Variants in ACOX3 observed in about 807,000 individuals in gnomAD.
ACOX3 encodes the protein peroxisomal acyl-coenzyme A oxidase 3.
ACOX3 carries 73 observed loss-of-function variants against 81.5 expected under a neutral mutation model. That is an observed-to-expected ratio of 0.90 (90% CI 0.74 to 1.09). The LOEUF is 1.09. Among genes scored for constraint, ACOX3 ranks in the 50% least tolerant of loss-of-function variants. The pLI is 0.00. For missense variants in ACOX3, 947 were observed against 928.0 expected, an observed-to-expected ratio of 1.02 and a Z score of -0.27; for synonymous variants, 387 against 375.1, an observed-to-expected ratio of 1.03 and a Z score of -0.37.
At chr4:8,412,164 A>G (rs1721797243) in intron 5 of ACOX3, among the ~76,000 whole-genome samples, 1 of 152,268 alleles carries the variant, frequency 6.6e-6, no homozygotes, top group South Asian at 2.1e-4. Flanking sequence ...ACCTGGGTTC[A>G]GATAAAGATA....
downstream of ACOX3, among the ~76,000 whole-genome samples, chr4:8,362,772 T>C (rs914455957): frequency 2.0e-5 from 3 of 152,222 alleles, no homozygotes; most frequent in Non-Finnish European, 2.9e-5. Flanking sequence ...ACTCAACTCA[T>C]AGGTATTTGA....
rs1717855355 is a variant in ACOX3 at position 8,382,888 on chromosome 4, A to G, written c.1538-1281T>C. 6.8e-6 allele frequency among the ~76,000 whole-genome samples: 1 copy of G among 148,010 alleles called. No individual in the cohort carries two copies. The stretch of plus-strand genomic sequence containing the variant: ...GCGCCTGTAGTCCCAGCTACTCGGG[A>G]GGCTGAGGCAGGAGAATGGCGTGAA... On this transcript the variant is annotated intron_variant, in intron 13 of 17. Coordinates refer to ENST00000356406, the MANE Select transcript of ACOX3 (RefSeq NM_003501.3). The surrounding 1 kb of genome is among the most constrained non-coding windows in gnomAD (Gnocchi z 4.1).
At chr4:8,361,425 C>CCAAAAAAAAAA (rs1560158854), downstream of ACOX3, among the ~76,000 whole-genome samples, 1 of 39,034 alleles carries the variant, frequency 2.6e-5, no homozygotes, top group African/African-American at 1.2e-4. Flanking sequence ...GACTCTATCT[C>CCAAAAAAAAAA]AAAAAAAAAA....
At chr4:8,376,967 G>A (rs1007297958) in intron 14 of ACOX3, among the ~76,000 whole-genome samples, 4 of 152,084 alleles carry the variant, frequency 2.6e-5, no homozygotes, top group African/African-American at 7.2e-5. Flanking sequence ...CAGGCCTGTG[G>A]GGGAGCTGCC....
At position 8,416,429 on chromosome 4, in the gene ACOX3, G is replaced by A. The variant is rs142520686; in HGVS notation, c.93C>T (p.Ser31=). The A allele has an allele frequency of 1.2e-5, 20 of 1,614,114 alleles. No individual in the cohort carries two copies. The African/African-American group carries it at 2.3e-4, about 18-fold the overall frequency. Reference sequence around the variant, plus strand: ...CCGTGAACAGCGCCAGCTCCTTCCAGCTGAAGGACGCTCTTGCTCGGTAGG... The same window carrying A: ...CCGTGAACAGCGCCAGCTCCTTCCAACTGAAGGACGCTCTTGCTCGGTAGG... ...LDAYRARASF[S]WKELALFTEG... Residue 31 remains serine, a synonymous_variant, in exon 2 of 18, where the codon AGC becomes AGT. Transcript: ENST00000356406. This position sits in a 1 kb window ranked among gnomAD's most constrained non-coding sequence, Gnocchi z 4.2.
intron 5 of ACOX3, among the ~76,000 whole-genome samples, chr4:8,411,699 C>T (rs984776725): frequency 4.6e-5 from 7 of 152,236 alleles, no homozygotes; most frequent in African/African-American, 1.2e-4. Context: ...CCCTGCGCCC[C>T]GGCATACCAG....
At chr4:8,360,412 A>G in the ACOX3 span, among the ~76,000 whole-genome samples, 189 of 152,258 alleles carry the variant, frequency 1.2e-3, no homozygotes, top group African/African-American at 4.0e-3. Flanking sequence ...TTTGGTCTAA[A>G]TTATGCAGGT....
intron 1 of ACOX3, among the ~76,000 whole-genome samples, chr4:8,428,682 G>A (rs1723756997): frequency 6.6e-6 from 1 of 152,250 alleles, no homozygotes; most frequent in Admixed American, 6.5e-5. Context: ...CCCTCTCGGA[G>A]CGCCGTAGTT....
Position 8,370,681 on chromosome 4 carries a change from G to A in ACOX3, c.1983+227C>T, listed in dbSNP as rs1716074467. Among the ~76,000 whole-genome samples, 3 of 152,110 alleles carry A rather than the reference G, an allele frequency of 2.0e-5. No individual in the cohort carries two copies. Among genetic ancestry groups the A allele is most frequent in the African/African-American group, 7.2e-5 (3 of 41,410 alleles). ...CAGTGCCACCACCCCATCTCGGGAG[G>A]AAAAGGCAGGCAGGGGATGGGCAAG... On this transcript the variant is annotated intron_variant, in intron 17 of 17. Transcript: ENST00000356406. This position sits in a 1 kb window ranked among gnomAD's most constrained non-coding sequence, Gnocchi z 6.3.
At position 8,394,939 on chromosome 4, in the gene ACOX3, C is replaced by T. The variant is rs1719522554; in HGVS notation, c.1057-197G>A. The T allele has an allele frequency of 3.2e-6, 2 of 634,242 alleles. No individual in the cohort carries two copies. Among genetic ancestry groups the T allele is most frequent in the South Asian group, 2.1e-5 (1 of 47,402 alleles). The allele number at this position is 634,242 out of a possible 1,614,324, so 39.3% of individuals were successfully genotyped here. On this transcript the variant is annotated intron_variant, in intron 9 of 17. Coordinates refer to ENST00000356406, the MANE Select transcript of ACOX3 (RefSeq NM_003501.3). This position sits in a 1 kb window ranked among gnomAD's most constrained non-coding sequence, Gnocchi z 5.9. ...CTCTCAACTCAGCCAGTTCGGCTTTCACCCATAGCCCTTGACAGACAAGCT... is the reference window on the plus strand; with the variant it reads ...CTCTCAACTCAGCCAGTTCGGCTTTTACCCATAGCCCTTGACAGACAAGCT...
At chr4:8,360,992 T>C in the ACOX3 span, among the ~76,000 whole-genome samples, 1 of 152,068 alleles carries the variant, frequency 6.6e-6, no homozygotes, top group Admixed American at 6.6e-5. Flanking sequence ...ACAATTAACA[T>C]CGTCACATGT....
At chr4:8,375,806 T>G (rs1011368019) in intron 14 of ACOX3, among the ~76,000 whole-genome samples, 5 of 152,208 alleles carry the variant, frequency 3.3e-5, no homozygotes. Context: ...CTGAGGATAA[T>G]GGCGTGCAGC....
At chr4:8,422,003 G>C (rs1723000625) in intron 1 of ACOX3, among the ~76,000 whole-genome samples, 1 of 152,234 alleles carries the variant, frequency 6.6e-6, no homozygotes, top group African/African-American at 2.4e-5. Flanking sequence ...CAACAGAATA[G>C]ATCAGGAAGA....
At position 8,386,241 on chromosome 4, in the gene ACOX3, GTTCT is replaced by G. The variant is rs1480268338; in HGVS notation, c.1537+2928_1537+2931del. 1.3e-5 allele frequency among the ~76,000 whole-genome samples: 2 copies of G among 152,206 alleles called. No homozygotes were observed. Among genetic ancestry groups the G allele is most frequent in the African/African-American group, 4.8e-5 (2 of 41,452 alleles). On this transcript the variant is annotated intron_variant, in intron 13 of 17. Transcript: ENST00000356406. This position sits in a 1 kb window ranked among gnomAD's most constrained non-coding sequence, Gnocchi z 5.2. Reference sequence around the variant, plus strand: ...ACCACAATGATTAGGTCATTTTCTAGTTCTTTCTGTGGCAACATTTGGGAAGCTT... The same window carrying G: ...ACCACAATGATTAGGTCATTTTCTAGTTCTGTGGCAACATTTGGGAAGCTT...
Position 8,419,957 on chromosome 4 carries a change from T to G in ACOX3, c.-14-3422A>C, listed in dbSNP as rs1356215522. 1.3e-5 allele frequency among the ~76,000 whole-genome samples: 2 copies of G among 152,202 alleles called. No individual in the cohort carries two copies. Among genetic ancestry groups the G allele is most frequent in the Admixed American group, 1.3e-4 (2 of 15,282 alleles). ...ATCTCTAACACCTTACGGAATCTTCTCATTTCTCTCCAGCCTGATAAAACC... is the reference window on the plus strand; with the variant it reads ...ATCTCTAACACCTTACGGAATCTTCGCATTTCTCTCCAGCCTGATAAAACC... On this transcript the variant is annotated intron_variant, in intron 1 of 17. Transcript: ENST00000356406. This position sits in a 1 kb window ranked among gnomAD's most constrained non-coding sequence, Gnocchi z 4.2.
intron 1 of ACOX3, among the ~76,000 whole-genome samples, chr4:8,425,653 G>C (rs1213129744): frequency 6.7e-6 from 1 of 149,706 alleles, no homozygotes; most frequent in African/African-American, 2.5e-5. Flanking sequence ...CTGGCAACTA[G>C]ATTTTACCCA....
intron 9 of ACOX3, among the ~76,000 whole-genome samples, chr4:8,395,451 A>G (rs1719589695): frequency 6.6e-6 from 1 of 152,102 alleles, no homozygotes; most frequent in African/African-American, 2.4e-5. Flanking sequence ...CAAGCCTGAG[A>G]GGATCCTGAG....
chr4:8,371,055 C>T, intron 16 of ACOX3, 61 bp from the exon 17 acceptor site: 2 of 1,517,100 alleles, frequency 1.3e-6, no homozygotes, highest in South Asian at 1.1e-5. Flanking sequence ...GTGACCAAAG[C>T]ATAACAGCCC....
At chr4:8,380,482 C>T (rs756986945) in intron 14 of ACOX3, among the ~76,000 whole-genome samples, 1 of 152,222 alleles carries the variant, frequency 6.6e-6, no homozygotes, top group Non-Finnish European at 1.5e-5. Flanking sequence ...AGCCACTGCA[C>T]CTGGCCCAAT....
Sources: allele counts gnomAD v4.1 joint callset (sites outside exome capture counted in the v4.1 genomes callset), GRCh38; gene constraint gnomAD v4.1.1; non-coding constraint Gnocchi (gnomAD v3.1); transcripts MANE v1.5; gene names NCBI Gene and HGNC (gene_info 2026-07-23, HGNC 2026-07-21).